FLOT1: variants seen among roughly 807,000 people sequenced by gnomAD.
FLOT1 encodes the protein flotillin-1.
FLOT1 carries 40 observed loss-of-function variants against 58.4 expected under a neutral mutation model. That is an observed-to-expected ratio of 0.69 (90% CI 0.53 to 0.89). The LOEUF (loss-of-function observed/expected upper bound fraction) is 0.89, where lower values mean the gene tolerates loss of function less well. Among genes scored for constraint, FLOT1 ranks in the 40% least tolerant of loss-of-function variants. The pLI is 0.00. For missense variants in FLOT1, 423 were observed against 540.8 expected, an observed-to-expected ratio of 0.78 and a Z score of 2.16; for synonymous variants, 178 against 204.2, an observed-to-expected ratio of 0.87 and a Z score of 1.09.
chr6:30,729,077 A>AT (rs774761881), intron 12 of FLOT1, among the ~76,000 whole-genome samples: 12,400 of 125,544 alleles, frequency 0.099, 936 homozygotes, highest in African/African-American at 0.22. Context: ...CGCGCCTGGA[A>AT]TTTTTTTTTT....
chr6:30,741,116 TCA>T lies in FLOT1; in HGVS notation c.354+72_354+73del. 1 of 1,551,372 alleles carries T rather than the reference TCA, an allele frequency of 6.4e-7. No individual in the cohort carries two copies. Among genetic ancestry groups the T allele is most frequent in the Admixed American group, 1.7e-5 (1 of 59,128 alleles). On this transcript the variant is annotated intron_variant, in intron 5 of 12. Transcript: ENST00000376389. The surrounding 1 kb of genome is among the most constrained non-coding windows in gnomAD (Gnocchi z 5.9). ...TGTATGCTCTTGGATCCACTGTCTC[TCA>T]CAGACTAGTGTGGGCCTTGGGCCCC... is the stretch of plus-strand genomic sequence containing the variant.
intron 8 of FLOT1, among the ~76,000 whole-genome samples, chr6:30,733,716 G>A (rs1466439814): frequency 7.0e-6 from 1 of 143,294 alleles, no homozygotes; most frequent in Non-Finnish European, 1.5e-5. Flanking sequence ...CTCCAGCCTG[G>A]GTGACAAGAG....
chr6:30,728,253 G>A (rs368466336), intron 12 of FLOT1, 108 bp from the exon 13 acceptor site: 8 of 908,314 alleles, frequency 8.8e-6, no homozygotes, highest in Admixed American at 7.3e-5. Flanking sequence ...GAACACACAC[G>A]GCCAGGGTTC....
In FLOT1 at chr6:30,737,212, C is replaced by CTGT. The variant is rs1237191995; in HGVS notation, c.723+2945_723+2946insACA. Among the ~76,000 whole-genome samples the CTGT allele has an allele frequency of 3.3e-3, 233 of 71,508 alleles. No homozygotes were observed. Among genetic ancestry groups the CTGT allele is most frequent in the Middle Eastern group, 0.016 (2 of 126 alleles). 46.9% of individuals were successfully genotyped at this position (71,508 alleles called of 152,430 possible). On this transcript the variant is annotated intron_variant, in intron 8 of 12. Transcript: ENST00000376389. This position sits in a 1 kb window ranked among gnomAD's most constrained non-coding sequence, Gnocchi z 4.4. ...GACTGACTGACTGACTGTCTGTCGT[C>CTGT]CGTCCGTCCGTCCGTCCGTCCGTCC...
Position 30,742,429 on chromosome 6 carries a change from C to G in FLOT1, c.-15+98G>C, listed in dbSNP as rs905395722. ...GTCCCTCCCTTCCCCTCGCCGCTCC[C>G]TTTGATAAAGGTCCCCCGCGCCCAG... On this transcript the variant is annotated intron_variant, in intron 1 of 12. Coordinates refer to ENST00000376389, the MANE Select transcript of FLOT1 (RefSeq NM_005803.4). The surrounding 1 kb of genome is among the most constrained non-coding windows in gnomAD (Gnocchi z 5.2). The G allele has an allele frequency of 1.3e-4, 74 of 588,674 alleles. No individual in the cohort carries two copies. Among genetic ancestry groups the G allele is most frequent in the African/African-American group, 1.1e-3 (57 of 52,668 alleles). 36.5% of individuals were successfully genotyped at this position (588,674 alleles called of 1,614,324 possible).
intron 8 of FLOT1, 98 bp from the exon 9 acceptor site, chr6:30,731,198 C>A (rs1310476419): frequency 3.1e-6 from 4 of 1,295,674 alleles, no homozygotes; most frequent in South Asian, 1.4e-5. Flanking sequence ...AAAATAGGAG[C>A]CGGTGGCCGG....
rs951597780 is a variant in FLOT1 at position 30,734,070 on chromosome 6, A to C, written c.724-2970T>G. Among the ~76,000 whole-genome samples, 17 of 149,698 alleles carry C rather than the reference A, an allele frequency of 1.1e-4. 2 individuals carry two copies. Among genetic ancestry groups the C allele is most frequent in the East Asian group, 5.8e-4 (3 of 5,146 alleles). On this transcript the variant is annotated intron_variant, in intron 8 of 12. Transcript: ENST00000376389. Reference sequence around the variant, plus strand: ...TGAAAAAAAAAAAAAAAAAAAAAAAAAAGGAATCTGAAGTCATTTTGAAGC... The same window carrying C: ...TGAAAAAAAAAAAAAAAAAAAAAAACAAGGAATCTGAAGTCATTTTGAAGC...
In FLOT1 at chr6:30,741,587, G is replaced by A. The variant is rs15297; in HGVS notation, c.210+27C>T. The A allele has an allele frequency of 1.3e-6, 2 of 1,544,922 alleles. No homozygotes were observed. Among genetic ancestry groups the A allele is most frequent in the Non-Finnish European group, 1.8e-6 (2 of 1,118,470 alleles). The stretch of plus-strand genomic sequence containing the variant: ...AGAGAGGGTGATGGGGAAGTGGACT[G>A]TGGGGAAAAGGCTCTGAAAGCTTCA... On this transcript the variant is annotated intron_variant, in intron 4 of 12. Transcript: ENST00000376389. This position sits in a 1 kb window ranked among gnomAD's most constrained non-coding sequence, Gnocchi z 5.9.
At chr6:30,738,429 C>T (rs773089946) in intron 8 of FLOT1, among the ~76,000 whole-genome samples, 9 of 152,196 alleles carry the variant, frequency 5.9e-5, no homozygotes, top group Non-Finnish European at 1.3e-4. Flanking sequence ...GGGTAAAGGT[C>T]TCAAAGTACA....
chr6:30,736,869 A>G (rs1777603618), intron 8 of FLOT1, among the ~76,000 whole-genome samples: 1 of 152,014 alleles, frequency 6.6e-6, no homozygotes, highest in Non-Finnish European at 1.5e-5. Context: ...TTGGGATTAC[A>G]GGTGTGAACC....
Position 30,741,318 on chromosome 6 carries a change from G to A in FLOT1, c.226C>T (p.Gln76Ter), listed in dbSNP as rs564230384. ...GCGGCCGCCAACATCTCCTTGTTCT[G>A]CCCCTGGATTTTTACCTGTAGCCAG... Reference protein sequence around the residue: ...TGIAQVKIQGQNKEMLAAACQ... With the variant: ...TGIAQVKIQG The change falls in exon 5 of 13, where the codon CAG (glutamine) becomes TAG (stop). Residue 76 changes from glutamine to a stop codon, truncating the protein, a stop_gained. Transcript: ENST00000376389. LOFTEE classifies it high-confidence loss of function. The surrounding 1 kb of genome is among the most constrained non-coding windows in gnomAD (Gnocchi z 5.9). 7.4e-6 allele frequency: 12 copies of A among 1,612,954 alleles called. No homozygotes were observed. Among genetic ancestry groups the A allele is most frequent in the Non-Finnish European group, 1.0e-5 (12 of 1,180,042 alleles).
chr6:30,734,309 CT>C (rs568968027), intron 8 of FLOT1, among the ~76,000 whole-genome samples: 197 of 135,808 alleles, frequency 1.5e-3, no homozygotes, highest in Admixed American at 1.6e-3. Flanking sequence ...ATGTGCTTGA[CT>C]TTTTTTTTTT....
chr6:30,740,379 CCCA>C, intron 7 of FLOT1, 69 bp from the exon 8 acceptor site: 1 of 1,593,884 alleles, frequency 6.3e-7, no homozygotes, highest in Non-Finnish European at 8.6e-7. Flanking sequence ...CAGCCTGCTT[CCCA>C]CCAAGGTTCT....
chr6:30,730,982 G>A lies in FLOT1; in HGVS notation c.842C>T (p.Ala281Val). 6 of 1,613,928 alleles carry A rather than the reference G, an allele frequency of 3.7e-6. No homozygotes were observed. Among genetic ancestry groups the A allele is most frequent in the Non-Finnish European group, 5.1e-6 (6 of 1,179,972 alleles). Residue 281 changes from alanine to valine, a missense_variant, in exon 9 of 13, where the codon GCC becomes GTC. This residue lies in a region of FLOT1 where 106 missense variants were observed against 88.4 expected (regional missense o/e 1.20). Transcript: ENST00000376389. ...CGCTTCCGCTGGCTTCCGCACCCGG[G>A]CCTCCAGCTCCTTCTCCCGCCGGGC... Reference protein sequence around the residue: ...EIARREKELEARVRKPAEAER... With the variant: ...EIARREKELEVRVRKPAEAER...
chr6:30,738,294 C>T (rs1777730016), intron 8 of FLOT1, among the ~76,000 whole-genome samples: 1 of 152,188 alleles, frequency 6.6e-6, no homozygotes, highest in Admixed American at 6.5e-5. Flanking sequence ...AAGCTGTATG[C>T]CATGTTCAAC....
rs886922628 is a variant in FLOT1 at position 30,727,765 on chromosome 6, A to G, written c.*351T>C. On this transcript the variant is annotated 3_prime_UTR_variant, in exon 13 of 13. Coordinates refer to ENST00000376389, the MANE Select transcript of FLOT1 (RefSeq NM_005803.4). ...CTTACTTACAGCAATTTATTTGGGT[A>G]GCAAAGTTGAAAACCTCCAGCCCAT... is the stretch of plus-strand genomic sequence containing the variant. 1.2e-5 allele frequency: 5 copies of G among 412,744 alleles called. No homozygotes were observed. The highest frequency in any genetic ancestry group is 3.6e-5 in the Admixed American group (1 of 27,788). 25.6% of individuals were successfully genotyped at this position (412,744 alleles called of 1,614,324 possible). A position where few individuals can be genotyped will look rare whatever the true frequency, so the allele number is the denominator to read the frequency against.
At chr6:30,734,041 T>C (rs1301772268) in intron 8 of FLOT1, among the ~76,000 whole-genome samples, 1 of 107,528 alleles carries the variant, frequency 9.3e-6, no homozygotes, top group Non-Finnish European at 1.8e-5. Context: ...CAAGACCCTG[T>C]CTCTGAAAAA....
At position 30,741,734 on chromosome 6, in the gene FLOT1, G is replaced by A. The variant is rs771823014; in HGVS notation, c.120-30C>T. The stretch of plus-strand genomic sequence containing the variant: ...GGGAAAAAGAAGGGACAGACAGTAA[G>A]AAGAGGAGGAAAAAGAGAAAACGGA... On this transcript the variant is annotated intron_variant, in intron 3 of 12. Transcript: ENST00000376389. The surrounding 1 kb of genome is among the most constrained non-coding windows in gnomAD (Gnocchi z 5.9). 1 of 1,609,826 alleles carries A rather than the reference G, an allele frequency of 6.2e-7. No individual in the cohort carries two copies. Among genetic ancestry groups the A allele is most frequent in the East Asian group, 2.2e-5 (1 of 44,872 alleles).
chr6:30,737,302 C>T lies in FLOT1; in HGVS notation c.723+2856G>A, dbSNP rs377117437. Among the ~76,000 whole-genome samples, 2 of 151,044 alleles carry T rather than the reference C, an allele frequency of 1.3e-5. No homozygotes were observed. The highest frequency in any genetic ancestry group is 3.0e-5 in the Non-Finnish European group (2 of 67,734). Reference sequence around the variant, plus strand: ...TATCTTAGAAGGAGTCTCGCTCTGTCGCCCAGGCTGGAGTGCGGTGGCGCA... The same window carrying T: ...TATCTTAGAAGGAGTCTCGCTCTGTTGCCCAGGCTGGAGTGCGGTGGCGCA... On this transcript the variant is annotated intron_variant, in intron 8 of 12. Transcript: ENST00000376389. This position sits in a 1 kb window ranked among gnomAD's most constrained non-coding sequence, Gnocchi z 4.4.
Sources: gnomAD v4.1 joint callset for allele counts (sites outside exome capture counted in the v4.1 genomes callset) on GRCh38, gnomAD v4.1.1 for gene constraint, gnomAD v4.1.1 regional missense constraint, Gnocchi (gnomAD v3.1) non-coding constraint, MANE v1.5 for transcripts, NCBI Gene and HGNC (gene_info 2026-07-23, HGNC 2026-07-21) for gene names.